Variants in PRKN observed in about 807,000 individuals in gnomAD.
PRKN encodes the protein parkin RBR E3 ubiquitin protein ligase, also known as E3 ubiquitin-protein ligase parkin.
Under a neutral mutation model 59.5 loss-of-function variants are expected in PRKN, and 56 were observed. That is an observed-to-expected ratio of 0.94 (90% CI 0.76 to 1.18). The LOEUF is 1.18. PRKN is among the 50% of genes most tolerant of loss of function. The pLI is 0.00. For synonymous variants in PRKN, 250 were observed against 222.1 expected (o/e 1.13, Z -1.12); for missense variants, 657 against 596.4 (o/e 1.10, Z -1.06).
intron 1 of PRKN, among the ~76,000 whole-genome samples, chr6:162,504,830 A>T (rs897240205): frequency 6.6e-6 from 1 of 152,198 alleles, no homozygotes; most frequent in Non-Finnish European, 1.5e-5. Context: ...AGAAAACTGT[A>T]GAAATCAATA....
chr6:161,593,967 T>TAGTGAA lies in PRKN; in HGVS notation c.872-24557_872-24552dup, dbSNP rs1169863410. On this transcript the variant is annotated intron_variant, in intron 7 of 11. Transcript: ENST00000366898. The surrounding 1 kb of genome is among the most constrained non-coding windows in gnomAD (Gnocchi z 4.8). The stretch of plus-strand genomic sequence containing the variant: ...GAGTTTGAGACCAGCCTGGCCAACA[T>TAGTGAA]AGTGAAACCCCATCTCTACTAAAAA... Among the ~76,000 whole-genome samples, 1 of 149,466 alleles carries TAGTGAA rather than the reference T, an allele frequency of 6.7e-6. No individual in the cohort carries two copies. Among genetic ancestry groups the TAGTGAA allele is most frequent in the East Asian group, 2.0e-4 (1 of 5,072 alleles).
chr6:162,130,316 T>C (rs1325331505), intron 4 of PRKN, among the ~76,000 whole-genome samples: 1 of 152,152 alleles, frequency 6.6e-6, no homozygotes, highest in Non-Finnish European at 1.5e-5. Context: ...CAACAGAAGG[T>C]TTCTATTTTT....
intron 1 of PRKN, chr6:162,568,581 GA>G: frequency 1.2e-6 from 1 of 849,064 alleles, no homozygotes; most frequent in South Asian, 1.3e-5. Context: ...GCAGGAGAAG[GA>G]GAAGGAGCAG....
At chr6:162,381,588 A>G (rs1283509332) in intron 2 of PRKN, among the ~76,000 whole-genome samples, 2 of 152,196 alleles carry the variant, frequency 1.3e-5, no homozygotes, top group Non-Finnish European at 2.9e-5. Flanking sequence ...TATTGTGTAT[A>G]AGCTGTCCTT....
At chr6:162,378,157 CCTTT>C (rs1305142146) in intron 2 of PRKN, among the ~76,000 whole-genome samples, 3 of 152,258 alleles carry the variant, frequency 2.0e-5, no homozygotes, top group African/African-American at 7.2e-5. Context: ...TCTTTTCTCC[CCTTT>C]CTTTCTATGT....
Position 161,414,037 on chromosome 6 carries a change from G to T in PRKN, c.1084-27160C>A, listed in dbSNP as rs1394046100. On this transcript the variant is annotated intron_variant, in intron 9 of 11. Transcript: ENST00000366898. The surrounding 1 kb of genome is among the most constrained non-coding windows in gnomAD (Gnocchi z 5.3). ...AGAGCGGTGGGACGTGAAACTCCTC[G>T]ACAGCACTGTGTCCTGGGCCGAGGT... Among the ~76,000 whole-genome samples the T allele has an allele frequency of 2.0e-5, 3 of 152,106 alleles. No individual in the cohort carries two copies. Among genetic ancestry groups the T allele is most frequent in the African/African-American group, 7.2e-5 (3 of 41,408 alleles).
Position 161,428,060 on chromosome 6 carries a change from T to C in PRKN, c.1084-41183A>G, listed in dbSNP as rs562131657. The stretch of plus-strand genomic sequence containing the variant: ...TCGCTGCAGTCTGAGTGTGTCTCCG[T>C]GGAGCTCGGCATTTGGACACAGCTC... On this transcript the variant is annotated intron_variant, in intron 9 of 11. Transcript: ENST00000366898. The surrounding 1 kb of genome is among the most constrained non-coding windows in gnomAD (Gnocchi z 4.0). Among the ~76,000 whole-genome samples, 1 of 152,296 alleles carries C rather than the reference T, an allele frequency of 6.6e-6. No homozygotes were observed. The highest frequency in any genetic ancestry group is 2.1e-4 in the South Asian group (1 of 4,826).
At chr6:162,452,370 T>C (rs1407457204) in intron 1 of PRKN, among the ~76,000 whole-genome samples, 9 of 152,142 alleles carry the variant, frequency 5.9e-5, no homozygotes, top group Non-Finnish European at 7.4e-5. Context: ...TTTTGCTTTA[T>C]TCAACATAAT....
At chr6:161,794,055 C>A (rs1188788895) in intron 6 of PRKN, among the ~76,000 whole-genome samples, 1 of 152,146 alleles carries the variant, frequency 6.6e-6, no homozygotes, top group Non-Finnish European at 1.5e-5. Context: ...CCCTTTCACT[C>A]CTGGGCAACG....
intron 5 of PRKN, among the ~76,000 whole-genome samples, chr6:162,032,751 A>G (rs1186080378): frequency 1.3e-5 from 2 of 152,226 alleles, no homozygotes; most frequent in Non-Finnish European, 2.9e-5. Context: ...TGAAAGTTAC[A>G]GAAAGCCCCA....
intron 1 of PRKN, among the ~76,000 whole-genome samples, chr6:162,599,643 T>C (rs1434203497): frequency 6.6e-6 from 1 of 152,110 alleles, no homozygotes; most frequent in Admixed American, 6.5e-5. Flanking sequence ...GAAGATGGGC[T>C]CACAAGTGAA....
chr6:162,622,511 A>C (rs1054237206), intron 1 of PRKN, among the ~76,000 whole-genome samples: 1 of 152,000 alleles, frequency 6.6e-6, no homozygotes, highest in Non-Finnish European at 1.5e-5. Flanking sequence ...TGAGGGTATT[A>C]ATTAGACACC....
At chr6:162,637,350 A>G (rs1160787886) in intron 1 of PRKN, among the ~76,000 whole-genome samples, 2 of 149,456 alleles carry the variant, frequency 1.3e-5, no homozygotes, top group South Asian at 4.3e-4. Flanking sequence ...CAGGAGGTCA[A>G]ACTTGCAAAT....
chr6:162,476,879 T>C (rs1792049906), intron 1 of PRKN, among the ~76,000 whole-genome samples: 2 of 152,140 alleles, frequency 1.3e-5, no homozygotes, highest in African/African-American at 4.8e-5. Flanking sequence ...GAGTCTTTAA[T>C]TGGCCCCAGA....
At chr6:161,648,334 G>C (rs1784033843) in intron 7 of PRKN, among the ~76,000 whole-genome samples, 2 of 152,178 alleles carry the variant, frequency 1.3e-5, no homozygotes, top group Non-Finnish European at 2.9e-5. Flanking sequence ...GTCTTACTGA[G>C]TATATATCCC....
intron 4 of PRKN, among the ~76,000 whole-genome samples, chr6:162,157,035 G>A (rs1160612730): frequency 6.6e-6 from 1 of 151,796 alleles, no homozygotes; most frequent in Non-Finnish European, 1.5e-5. Flanking sequence ...TGGAAGAAGT[G>A]GAATAAAGAA....
chr6:161,770,712 C>T (rs1482513332), intron 7 of PRKN, among the ~76,000 whole-genome samples: 2 of 152,166 alleles, frequency 1.3e-5, no homozygotes, highest in Non-Finnish European at 2.9e-5. Flanking sequence ...AGGAGATCCA[C>T]CCGCCTCAGC....
chr6:162,100,523 C>T (rs561680894), intron 4 of PRKN, among the ~76,000 whole-genome samples: 20 of 151,782 alleles, frequency 1.3e-4, no homozygotes, highest in African/African-American at 4.8e-4. Context: ...CTCACTGCAA[C>T]CTCTCCCTCC....
intron 6 of PRKN, among the ~76,000 whole-genome samples, chr6:161,818,113 C>A (rs1458965193): frequency 6.6e-6 from 1 of 152,030 alleles, no homozygotes; most frequent in Admixed American, 6.6e-5. Context: ...TGCAGATGAA[C>A]CTAATTAGAT....
Sources: gnomAD v4.1 joint callset for allele counts (sites outside exome capture counted in the v4.1 genomes callset) on GRCh38, gnomAD v4.1.1 for gene constraint, Gnocchi (gnomAD v3.1) non-coding constraint, MANE v1.5 for transcripts, NCBI Gene and HGNC (gene_info 2026-07-23, HGNC 2026-07-21) for gene names.